Variants in CCDC172 observed in about 807,000 individuals in gnomAD.
The protein encoded by CCDC172 is coiled-coil domain containing 172, also known as coiled-coil domain-containing protein 172.
A neutral mutation model predicts 38.0 loss-of-function variants in CCDC172; 30 were observed. The ratio of observed to expected loss-of-function variants is 0.79; its 90% CI spans 0.59 to 1.07. The LOEUF (loss-of-function observed/expected upper bound fraction) is 1.07. Ranked by LOEUF, CCDC172 falls within the 50% of genes least tolerant of loss-of-function variation. The pLI is 0.00. For missense variants in CCDC172, 297 were observed against 290.1 expected, an observed-to-expected ratio of 1.02 and a Z score of -0.17; for synonymous variants, 78 against 88.3, an observed-to-expected ratio of 0.88 and a Z score of 0.66.
intron 7 of CCDC172, among the ~76,000 whole-genome samples, chr10:116,361,178 T>C (rs1013578240): frequency 6.6e-6 from 1 of 151,788 alleles, no homozygotes; most frequent in Non-Finnish European, 1.5e-5. Flanking sequence ...AGAGACACGG[T>C]TTCACCACGT....
intron 5 of CCDC172, among the ~76,000 whole-genome samples, chr10:116,354,224 T>C (rs1373721308): frequency 6.6e-6 from 1 of 152,148 alleles, no homozygotes; most frequent in Admixed American, 6.5e-5. Context: ...GTATAGCACA[T>C]AAAATTATGT....
chr10:116,359,812 CT>C (rs1845041960), intron 7 of CCDC172, among the ~76,000 whole-genome samples: 1 of 152,080 alleles, frequency 6.6e-6, no homozygotes, highest in South Asian at 2.1e-4. Context: ...TTAATACATG[CT>C]TTATTTTGTC....
intron 7 of CCDC172, 146 bp downstream of exon 7, chr10:116,358,084 A>G (rs1321223989): frequency 7.1e-6 from 4 of 567,328 alleles, no homozygotes; most frequent in Non-Finnish European, 1.2e-5. Context: ...GACACGTGCT[A>G]ATAAGGAAAC....
chr10:116,340,186 A>G (rs1420498848), intron 3 of CCDC172, among the ~76,000 whole-genome samples: 2 of 151,980 alleles, frequency 1.3e-5, no homozygotes, highest in East Asian at 3.8e-4. Context: ...CAAATGAAGT[A>G]TTAAAATAAA....
chr10:116,338,814 A>C (rs1255828734), intron 3 of CCDC172, among the ~76,000 whole-genome samples: 1 of 152,112 alleles, frequency 6.6e-6, no homozygotes. Context: ...GAAATCCGTT[A>C]GTTTGATAAG....
chr10:116,361,877 T>C (rs970125686), intron 7 of CCDC172, among the ~76,000 whole-genome samples: 1 of 152,176 alleles, frequency 6.6e-6, no homozygotes, highest in Non-Finnish European at 1.5e-5. Context: ...TATTTTCACA[T>C]GTATATATTT....
intron 7 of CCDC172, among the ~76,000 whole-genome samples, chr10:116,362,765 GT>G (rs1048245249): frequency 3.3e-5 from 5 of 152,084 alleles, no homozygotes; most frequent in Admixed American, 6.5e-5. Flanking sequence ...TTCCAGGACT[GT>G]TTTTTAGCTC....
At chr10:116,340,214 C>G (rs538544520) in intron 3 of CCDC172, among the ~76,000 whole-genome samples, 32 of 151,840 alleles carry the variant, frequency 2.1e-4, no homozygotes, top group African/African-American at 7.5e-4. Context: ...TTCTCAAAAC[C>G]CATTTAAGGT....
chr10:116,335,233 G>A (rs1844713930), intron 3 of CCDC172, among the ~76,000 whole-genome samples: 1 of 151,890 alleles, frequency 6.6e-6, no homozygotes, highest in Non-Finnish European at 1.5e-5. Context: ...AAAGAAAAAT[G>A]ACTGTTGTCA....
At chr10:116,361,496 A>G (rs895234749) in intron 7 of CCDC172, among the ~76,000 whole-genome samples, 39 of 152,246 alleles carry the variant, frequency 2.6e-4, no homozygotes, top group African/African-American at 9.4e-4. Context: ...TGTTTTAGGA[A>G]TAAATCTGCA....
chr10:116,344,507 A>G (rs1402017428), intron 5 of CCDC172, among the ~76,000 whole-genome samples: 1 of 152,172 alleles, frequency 6.6e-6, no homozygotes, highest in African/African-American at 2.4e-5. Flanking sequence ...GGGCACCTTT[A>G]TAGGGTATTT....
chr10:116,378,517 TATC>T lies in CCDC172; in HGVS notation c.741+10_741+12del, dbSNP rs1845276738. 1.3e-6 allele frequency: 2 copies of T among 1,593,078 alleles called. No individual in the cohort carries two copies. The highest frequency in any genetic ancestry group is 1.7e-6 in the Non-Finnish European group (2 of 1,167,852). On this transcript the variant is annotated splice_region_variant and intron_variant, in intron 8 of 8. Transcript: ENST00000333254. The stretch of plus-strand genomic sequence containing the variant: ...AATAGAATTTTTGGAGTTGGTAAGT[TATC>T]ATTGATTGTTTAACTTTTGTTCAGC...
intron 5 of CCDC172, among the ~76,000 whole-genome samples, chr10:116,342,671 G>A (rs188799542): frequency 5.9e-5 from 9 of 152,248 alleles, no homozygotes; most frequent in African/African-American, 1.7e-4. Flanking sequence ...TGCAAATGTC[G>A]TGTCAAATTG....
At position 116,378,449 on chromosome 10, in the gene CCDC172, A is replaced by C. The variant is rs763461301; in HGVS notation, c.680A>C (p.Lys227Thr). 1 of 1,600,960 alleles carries C rather than the reference A, an allele frequency of 6.2e-7. No homozygotes were observed. Among genetic ancestry groups the C allele is most frequent in the Admixed American group, 1.8e-5 (1 of 57,052 alleles). ...CTTAAAAAAGAATTAGAACTTTATA[A>C]GGAAGATGACATGGAAAGTGTTTAT... ...LRLKKELELY[K>T]EDDMESVYEA... The change falls in exon 8 of 9, where the codon AAG becomes ACG. Residue 227 changes from lysine to threonine, a missense_variant. Coordinates refer to ENST00000333254, the MANE Select transcript of CCDC172 (RefSeq NM_198515.3).
intron 5 of CCDC172, among the ~76,000 whole-genome samples, chr10:116,355,842 T>C (rs1259806671): frequency 6.6e-6 from 1 of 152,180 alleles, no homozygotes; most frequent in East Asian, 1.9e-4. Flanking sequence ...GAATGACTGC[T>C]AACAGGTATG....
intron 7 of CCDC172, among the ~76,000 whole-genome samples, chr10:116,377,649 A>G (rs1845263930): frequency 1.3e-5 from 2 of 152,204 alleles, no homozygotes; most frequent in Admixed American, 6.5e-5. Context: ...AAATTAAGAT[A>G]TATTTTAATT....
intron 3 of CCDC172, among the ~76,000 whole-genome samples, chr10:116,337,178 A>G (rs78746879): frequency 6.7e-6 from 1 of 149,330 alleles, no homozygotes; most frequent in African/African-American, 2.5e-5. Context: ...TTTAAACAAG[A>G]GTTTCACTCT....
At chr10:116,348,732 C>G (rs536695328) in intron 5 of CCDC172, among the ~76,000 whole-genome samples, 2 of 152,288 alleles carry the variant, frequency 1.3e-5, no homozygotes, top group South Asian at 4.1e-4. Flanking sequence ...TAGTGCCTCT[C>G]CACCTTCCAG....
At chr10:116,366,907 G>A (rs938338602) in intron 7 of CCDC172, among the ~76,000 whole-genome samples, 11 of 152,042 alleles carry the variant, frequency 7.2e-5, no homozygotes, top group Non-Finnish European at 2.9e-5. Context: ...TCCTGACTAC[G>A]TATATGGTTG....
Sources: gnomAD v4.1 joint callset for allele counts (sites outside exome capture counted in the v4.1 genomes callset) on GRCh38, gnomAD v4.1.1 for gene constraint, MANE v1.5 for transcripts, NCBI Gene and HGNC (gene_info 2026-07-23, HGNC 2026-07-21) for gene names.